The following VPS35L variants were observed in gnomAD, a reference collection of about 807,000 sequenced individuals.
VPS35L encodes the protein VPS35 endosomal protein-sorting factor-like.
VPS35L carries 83 observed loss-of-function variants against 133.0 expected under a neutral mutation model. The observed-to-expected ratio is 0.62, with a 90% CI of 0.52 to 0.75. VPS35L has a LOEUF of 0.75. Among genes scored for constraint, VPS35L ranks in the 30% least tolerant of loss-of-function variants. The pLI, the probability that VPS35L is intolerant of heterozygous loss-of-function variation, is 0.00. For synonymous variants in VPS35L, 423 were observed against 449.9 expected, an observed-to-expected ratio of 0.94 and a Z score of 0.76; for missense variants, 1,083 against 1,206.8, an observed-to-expected ratio of 0.90 and a Z score of 1.52.
chr16:19,605,465 A>G lies in VPS35L; in HGVS notation c.785-2713A>G, dbSNP rs370556974. ...CCATTATGTTTAGAAAAACTCTCAA[A>G]CTCCTCACCAAGGCTTCAGCCCTGT... On this transcript the variant is annotated intron_variant, in intron 9 of 30. Transcript: ENST00000417362. Among the ~76,000 whole-genome samples the G allele has an allele frequency of 3.0e-4, 46 of 151,700 alleles. No individual in the cohort carries two copies. The South Asian group carries it at 9.2e-3, about 30-fold the overall frequency.
intron 18 of VPS35L, among the ~76,000 whole-genome samples, chr16:19,632,021 G>A (rs1157223616): frequency 1.3e-5 from 2 of 152,160 alleles, no homozygotes; most frequent in African/African-American, 4.8e-5. Flanking sequence ...GAGTGCAGTG[G>A]CATGATCTCA....
intron 8 of VPS35L, among the ~76,000 whole-genome samples, chr16:19,597,907 G>A (rs1196154686): frequency 1.3e-5 from 2 of 152,206 alleles, no homozygotes; most frequent in Non-Finnish European, 2.9e-5. Flanking sequence ...TGACAGTATA[G>A]GGACAGGTGT....
chr16:19,625,039 A>G (rs1278786957), intron 14 of VPS35L, among the ~76,000 whole-genome samples: 1 of 151,962 alleles, frequency 6.6e-6, no homozygotes, highest in Admixed American at 6.6e-5. Context: ...TTGTCTTAAG[A>G]TAGCTCCAAA....
At chr16:19,613,121 C>CA (rs1373031029) in intron 12 of VPS35L, among the ~76,000 whole-genome samples, 1 of 152,058 alleles carries the variant, frequency 6.6e-6, no homozygotes, top group Non-Finnish European at 1.5e-5. Flanking sequence ...GCCAACATGG[C>CA]AAAAACCTGT....
chr16:19,681,516 CA>C (rs1322529200), intron 27 of VPS35L, among the ~76,000 whole-genome samples: 1 of 152,192 alleles, frequency 6.6e-6, no homozygotes, highest in Non-Finnish European at 1.5e-5. Flanking sequence ...AGCTTCTGCA[CA>C]GAGTGAGAAG....
chr16:19,595,065 G>A (rs1972167563), intron 8 of VPS35L, among the ~76,000 whole-genome samples: 1 of 152,182 alleles, frequency 6.6e-6, no homozygotes, highest in Non-Finnish European at 1.5e-5. Flanking sequence ...GAGGCGATGA[G>A]ATGAGCCCGG....
intron 5 of VPS35L, among the ~76,000 whole-genome samples, chr16:19,577,876 G>C (rs1364004245): frequency 6.6e-6 from 1 of 152,232 alleles, no homozygotes; most frequent in Non-Finnish European, 1.5e-5. Context: ...GACCTAATCT[G>C]CTGGGACCTT....
chr16:19,643,802 C>G (rs1464028476), intron 22 of VPS35L, among the ~76,000 whole-genome samples: 2 of 149,396 alleles, frequency 1.3e-5, no homozygotes, highest in African/African-American at 5.0e-5. Context: ...AAAAAAAATA[C>G]AAAAAATTAG....
rs140391288 is a variant in VPS35L, at chr16:19,693,639, T to C, written c.2646+2168T>C. Reference sequence around the variant, plus strand: ...CTACAAAAAATACAGAAAAAATTAGTTGGGTGTGGTGGTGTGTGCCTGTAG... The same window carrying C: ...CTACAAAAAATACAGAAAAAATTAGCTGGGTGTGGTGGTGTGTGCCTGTAG... On this transcript the variant is annotated intron_variant, in intron 29 of 30. Coordinates refer to ENST00000417362, the MANE Select transcript of VPS35L (RefSeq NM_020314.7). Among the ~76,000 whole-genome samples the C allele has an allele frequency of 3.1e-3, 468 of 151,682 alleles. 2 individuals carry two copies. The highest frequency in any genetic ancestry group is 5.1e-3 in the Non-Finnish European group (349 of 67,884).
chr16:19,644,791 C>A, intron 22 of VPS35L, 95 bp from the exon 23 acceptor site: 1 of 823,524 alleles, frequency 1.2e-6, no homozygotes, highest in South Asian at 2.2e-5. Context: ...GCAAAATGTT[C>A]TTACCTGTTA....
chr16:19,653,643 AGGTTTTCAGT>A (rs2151589670), intron 26 of VPS35L, among the ~76,000 whole-genome samples: 1 of 152,312 alleles, frequency 6.6e-6, no homozygotes, highest in East Asian at 1.9e-4. Flanking sequence ...AGGTGGACTG[AGGTTTTCAGT>A]GGTGGTTCTT....
chr16:19,600,857 G>A (rs747485327), intron 8 of VPS35L, among the ~76,000 whole-genome samples: 3 of 152,240 alleles, frequency 2.0e-5, no homozygotes, highest in South Asian at 4.1e-4. Context: ...TAGAGATATC[G>A]CCACATTTTT....
rs5816059 is a variant in VPS35L at position 19,581,668 on chromosome 16, T to TCCCCCCCCCCCCC, written c.639+20_639+21insCCCCCCCCCCCCC. 32 of 1,607,624 alleles carry TCCCCCCCCCCCCC rather than the reference T, an allele frequency of 2.0e-5. No individual in the cohort carries two copies. The highest frequency in any genetic ancestry group is 4.1e-5 in the African/African-American group (3 of 72,906). On this transcript the variant is annotated intron_variant, in intron 7 of 30. Coordinates refer to ENST00000417362, the MANE Select transcript of VPS35L (RefSeq NM_020314.7). ...TAGTCATCCAGGTTAGCTCTAGTGA[T>TCCCCCCCCCCCCC]CCCCCACCCCCACCCAGAATTTCCT...
At chr16:19,592,009 TC>T (rs1215977900) in intron 8 of VPS35L, 135 bp downstream of exon 8, 7 of 646,288 alleles carry the variant, frequency 1.1e-5, no homozygotes, top group South Asian at 2.0e-5. Context: ...ATCAAACCGT[TC>T]CCCCCCACGC....
intron 1 of VPS35L, among the ~76,000 whole-genome samples, chr16:19,556,035 G>A (rs115233631): frequency 5.0e-4 from 76 of 152,250 alleles, no homozygotes; most frequent in African/African-American, 1.7e-3. Context: ...AGGCTTCCGC[G>A]TCCCCAGAAG....
At chr16:19,660,898 C>T (rs768651994) in intron 26 of VPS35L, among the ~76,000 whole-genome samples, 13 of 152,236 alleles carry the variant, frequency 8.5e-5, no homozygotes, top group South Asian at 2.1e-4. Context: ...ATAAAAGTCT[C>T]CAATAATATG....
chr16:19,650,940 G>A (rs56675306), intron 25 of VPS35L, among the ~76,000 whole-genome samples: 7,712 of 145,226 alleles, frequency 0.053, 634 homozygotes, highest in African/African-American at 0.18. Context: ...GTGCAGTGAC[G>A]TGATCTCGGC....
At chr16:19,623,219 T>G (rs1973140180) in intron 14 of VPS35L, among the ~76,000 whole-genome samples, 1 of 152,026 alleles carries the variant, frequency 6.6e-6, no homozygotes, top group Non-Finnish European at 1.5e-5. Flanking sequence ...ATACCCAGAC[T>G]AGGAGCTTAA....
At chr16:19,616,914 A>ACTAAC in intron 14 of VPS35L, 106 bp downstream of exon 14, 1 of 1,512,950 alleles carries the variant, frequency 6.6e-7, no homozygotes, top group Non-Finnish European at 9.1e-7. Flanking sequence ...CAGCTATAGC[A>ACTAAC]ATGTTAGTGC....
Sources: allele counts gnomAD v4.1 joint callset (sites outside exome capture counted in the v4.1 genomes callset), GRCh38; gene constraint gnomAD v4.1.1; transcripts MANE v1.5; gene names NCBI Gene and HGNC (gene_info 2026-07-23, HGNC 2026-07-21).